Variants in PDE7B observed in about 807,000 individuals in gnomAD.
The protein encoded by PDE7B is 3',5'-cyclic-AMP phosphodiesterase 7B.
In PDE7B, 29 loss-of-function variants were observed where a neutral mutation model predicts 56.2. That is an observed-to-expected ratio of 0.52 (90% confidence interval 0.38 to 0.70). The LOEUF (loss-of-function observed/expected upper bound fraction) is 0.70, where lower values mean the gene tolerates loss of function less well. Among genes scored for constraint, PDE7B ranks in the 30% least tolerant of loss-of-function variants. The pLI, the probability that PDE7B is intolerant of heterozygous loss-of-function variation, is 0.00. For synonymous variants in PDE7B, 197 were observed against 196.9 expected, an observed-to-expected ratio of 1.00 and a Z score of 0.00; for missense variants, 490 against 565.0, an observed-to-expected ratio of 0.87 and a Z score of 1.35.
intron 2 of PDE7B, among the ~76,000 whole-genome samples, chr6:136,073,799 A>G (rs1475100609): frequency 6.6e-6 from 1 of 152,248 alleles, no homozygotes; most frequent in East Asian, 1.9e-4. Flanking sequence ...GTATCAGAGT[A>G]TAAGTGGCAA....
intron 3 of PDE7B, among the ~76,000 whole-genome samples, chr6:136,123,254 G>A (rs1401116329): frequency 1.3e-5 from 2 of 152,166 alleles, no homozygotes; most frequent in African/African-American, 4.8e-5. Flanking sequence ...AGCTACTCGG[G>A]GGGCTGATGT....
At chr6:136,071,447 G>A (rs1476686372) in intron 2 of PDE7B, among the ~76,000 whole-genome samples, 1 of 152,060 alleles carries the variant, frequency 6.6e-6, no homozygotes, top group African/African-American at 2.4e-5. Context: ...TTGGACAAGA[G>A]GAAAAGTAAA....
At chr6:135,892,195 T>G (rs1324789361) in intron 1 of PDE7B, among the ~76,000 whole-genome samples, 1 of 152,176 alleles carries the variant, frequency 6.6e-6, no homozygotes, top group Non-Finnish European at 1.5e-5. Flanking sequence ...GACTTTATAT[T>G]CCTGCCCTCT....
chr6:135,876,781 C>A (rs1411894736), intron 1 of PDE7B, among the ~76,000 whole-genome samples: 3 of 152,142 alleles, frequency 2.0e-5, no homozygotes, highest in African/African-American at 4.8e-5. Flanking sequence ...ATTGCTTGAA[C>A]CTGGGAGGCG....
intron 3 of PDE7B, chr6:136,112,380 T>C (rs866441615): frequency 6.6e-6 from 1 of 152,198 alleles, no homozygotes; most frequent in Non-Finnish European, 1.5e-5. Context: ...GATATTGCTA[T>C]GCCCATTTGT....
chr6:135,870,197 T>C (rs1013899317), intron 1 of PDE7B, among the ~76,000 whole-genome samples: 4 of 152,080 alleles, frequency 2.6e-5, no homozygotes, highest in African/African-American at 4.8e-5. Context: ...GTGTTCAGAT[T>C]TGGGTATTTA....
chr6:136,058,011 A>G (rs967580344), intron 2 of PDE7B, among the ~76,000 whole-genome samples: 1 of 152,168 alleles, frequency 6.6e-6, no homozygotes. Flanking sequence ...TGCTGGGATT[A>G]CAGGCATGAG....
intron 2 of PDE7B, among the ~76,000 whole-genome samples, chr6:135,958,341 G>T (rs980180257): frequency 2.0e-5 from 3 of 152,104 alleles, no homozygotes; most frequent in African/African-American, 7.2e-5. Context: ...GTCCATCTAG[G>T]AATCTTTGTA....
At chr6:136,171,186 A>G (rs1045060210) in intron 8 of PDE7B, among the ~76,000 whole-genome samples, 1 of 152,208 alleles carries the variant, frequency 6.6e-6, no homozygotes, top group Admixed American at 6.6e-5. Context: ...GATAAAAAGC[A>G]TATTCAAAAT....
Position 135,991,505 on chromosome 6 carries a change from C to T in PDE7B, c.82+43981C>T, listed in dbSNP as rs573145110. ...ATTTCTCCTCCCTACAACTCACATT[C>T]GCCAATACCAGCAAATTGTTCTCAA... On this transcript the variant is annotated intron_variant, in intron 2 of 12. Transcript: ENST00000308191. 3.3e-5 allele frequency among the ~76,000 whole-genome samples: 5 copies of T among 152,288 alleles called. No individual in the cohort carries two copies. In the East Asian group the frequency reaches 7.7e-4, roughly 23 times the overall value.
intron 2 of PDE7B, among the ~76,000 whole-genome samples, chr6:135,951,204 T>A (rs1774693274): frequency 1.3e-5 from 2 of 151,750 alleles, no homozygotes; most frequent in Admixed American, 1.3e-4. Context: ...CTCCCTGTCC[T>A]CCCCTCTCCA....
rs1394629770 is a variant in PDE7B, at chr6:136,191,787, G to A, written c.1300G>A (p.Asp434Asn). Residue 434 changes from aspartate to asparagine, a missense_variant, in exon 13 of 13, where the codon GAC becomes AAC. Transcript: ENST00000308191. ...RGSSGSGPDH[D>N]HAGQGTESEE... Reference sequence around the variant, plus strand: ...CAGCAGTGGCAGCGGGCCTGACCACGACCACGCAGGCCAAGGGACTGAGAG... The same window carrying A: ...CAGCAGTGGCAGCGGGCCTGACCACAACCACGCAGGCCAAGGGACTGAGAG... The A allele has an allele frequency of 6.4e-7, 1 of 1,570,020 alleles. No individual in the cohort carries two copies. The highest frequency in any genetic ancestry group is 1.4e-5 in the African/African-American group (1 of 73,748).
chr6:135,913,483 GT>G (rs1776245488), intron 1 of PDE7B, among the ~76,000 whole-genome samples: 1 of 152,090 alleles, frequency 6.6e-6, no homozygotes, highest in Non-Finnish European at 1.5e-5. Context: ...TCACTCTTTA[GT>G]GCATAACACC....
At chr6:136,190,028 A>G (rs1779197247) in intron 12 of PDE7B, among the ~76,000 whole-genome samples, 1 of 152,168 alleles carries the variant, frequency 6.6e-6, no homozygotes, top group African/African-American at 2.4e-5. Flanking sequence ...TGGATATTTA[A>G]CTTTTTTATA....
At chr6:135,975,819 T>TA (rs1562457762) in intron 2 of PDE7B, among the ~76,000 whole-genome samples, 1 of 151,560 alleles carries the variant, frequency 6.6e-6, no homozygotes, top group Non-Finnish European at 1.5e-5. Context: ...GTGCCAAATT[T>TA]GTGTCACAGT....
intron 2 of PDE7B, among the ~76,000 whole-genome samples, chr6:136,052,094 C>T (rs1776639790): frequency 2.0e-5 from 3 of 150,828 alleles, no homozygotes; most frequent in Admixed American, 2.0e-4. Flanking sequence ...ACAATATCTA[C>T]CTATTTCCAA....
At chr6:136,032,299 T>G (rs1284584472) in intron 2 of PDE7B, among the ~76,000 whole-genome samples, 1 of 152,218 alleles carries the variant, frequency 6.6e-6, no homozygotes, top group Admixed American at 6.5e-5. Context: ...TTAGTCACTT[T>G]GGACTAAAAA....
chr6:136,075,831 A>G (rs540012127), intron 2 of PDE7B, among the ~76,000 whole-genome samples: 3 of 152,314 alleles, frequency 2.0e-5, no homozygotes, highest in Non-Finnish European at 4.4e-5. Context: ...CAAGGCACAG[A>G]AAGCAAAATC....
At chr6:136,169,952 C>G (rs1778853651) in intron 8 of PDE7B, among the ~76,000 whole-genome samples, 1 of 152,146 alleles carries the variant, frequency 6.6e-6, no homozygotes, top group African/African-American at 2.4e-5. Flanking sequence ...ATAGGACAGA[C>G]TCTACAGAAG....
Sources: allele counts gnomAD v4.1 joint callset (sites outside exome capture counted in the v4.1 genomes callset), GRCh38; gene constraint gnomAD v4.1.1; transcripts MANE v1.5; gene names NCBI Gene and HGNC (gene_info 2026-07-23, HGNC 2026-07-21).